The following EBF2 variants were observed in gnomAD, a reference collection of about 807,000 sequenced individuals.
EBF2 encodes the protein transcription factor COE2.
In EBF2, 21 loss-of-function variants were observed where a neutral mutation model predicts 72.8. That is an observed-to-expected ratio of 0.29 (90% CI 0.20 to 0.42). The LOEUF is 0.42. Ranked by LOEUF, EBF2 falls within the 10% of genes least tolerant of loss-of-function variation. The pLI is 1.00. For missense variants in EBF2, 637 were observed against 731.2 expected, an observed-to-expected ratio of 0.87 and a Z score of 1.49; for synonymous variants, 299 against 274.2, an observed-to-expected ratio of 1.09 and a Z score of -0.89.
intron 10 of EBF2, among the ~76,000 whole-genome samples, chr8:25,885,407 C>T (rs1802672870): frequency 6.6e-6 from 1 of 152,178 alleles, no homozygotes; most frequent in Admixed American, 6.5e-5. Context: ...CCCAATTTCT[C>T]CTCCCTTAAC....
intron 6 of EBF2, among the ~76,000 whole-genome samples, chr8:26,024,178 G>C (rs1177673412): frequency 6.6e-6 from 1 of 151,920 alleles, no homozygotes; most frequent in Non-Finnish European, 1.5e-5. Context: ...TTTCTTCCTA[G>C]AAGGCCATTC....
intron 6 of EBF2, among the ~76,000 whole-genome samples, chr8:25,916,513 A>G (rs1275857124): frequency 1.3e-5 from 2 of 152,074 alleles, no homozygotes; most frequent in South Asian, 2.1e-4. Context: ...CATTTTCCAG[A>G]CAAAATTATT....
rs750670854 is a variant in EBF2 at position 25,887,828 on chromosome 8, T to C, written c.882+14A>G. ...GCAAAAGGAAATCAGAGTAAGCCTG[T>C]TGCCTCTGCTTACCTCGCTCCATAC... On this transcript the variant is annotated intron_variant, in intron 9 of 15. Transcript: ENST00000520164. The C allele has an allele frequency of 2.5e-6, 4 of 1,582,716 alleles. No individual in the cohort carries two copies. In the East Asian group the frequency reaches 9.0e-5, roughly 36 times the overall value.
chr8:25,880,187 C>T (rs776088033), intron 10 of EBF2, among the ~76,000 whole-genome samples: 6 of 152,122 alleles, frequency 3.9e-5, no homozygotes, highest in African/African-American at 9.7e-5. Context: ...TAATAGGCCA[C>T]GTAGAGCAAA....
intron 6 of EBF2, among the ~76,000 whole-genome samples, chr8:25,999,350 T>A (rs1411184760): frequency 6.6e-6 from 1 of 152,156 alleles, no homozygotes; most frequent in Admixed American, 6.6e-5. Context: ...ATAAATATTA[T>A]TTTTAAAAAC....
rs144303444 is a variant in EBF2 at position 25,844,526 on chromosome 8, A to G, written c.*83T>C. 1.5e-4 allele frequency: 229 copies of G among 1,509,476 alleles called. 2 individuals are homozygous for G. In the African/African-American group the frequency reaches 2.8e-3, roughly 18 times the overall value. The allele number at this position is 1,509,476 out of a possible 1,614,324, so 93.5% of individuals were successfully genotyped here. ...CATGTTCATGTGGGGGCACCACTAC[A>G]CCCCCAAAAGAGCTCCTAGTGCTTT... is the stretch of plus-strand genomic sequence containing the variant. On this transcript the variant is annotated 3_prime_UTR_variant, in exon 16 of 16. Transcript: ENST00000520164.
rs960595202 is a variant in EBF2 at position 26,044,822 on chromosome 8, G to A, written c.38C>T (p.Thr13Ile). 1.2e-6 allele frequency: 2 copies of A among 1,614,050 alleles called. No homozygotes were observed. The highest frequency in any genetic ancestry group is 2.7e-5 in the African/African-American group (2 of 74,940). The change falls in exon 1 of 16, where the codon ACT (threonine) becomes ATT (isoleucine). Residue 13 changes from threonine (T) to isoleucine (I), a missense_variant. By Grantham distance (89) the Thr-to-Ile change is moderately conservative. This residue lies in a region of EBF2 where 174 missense variants were observed against 161.9 expected (regional missense o/e 1.07). Transcript: ENST00000520164. The surrounding 1 kb of genome is among the most constrained non-coding windows in gnomAD (Gnocchi z 4.1). ...GIQDTLGRGPTLKEKSLGAEM... is the reference protein window; with the variant it reads ...GIQDTLGRGPILKEKSLGAEM... ...CGCGCCCAGCGATTTCTCTTTCAGA[G>A]TTGGTCCTCTTCCTAAAGTATCTTG... is the stretch of plus-strand genomic sequence containing the variant.
In EBF2 at chr8:25,927,487, A is replaced by G. The variant is rs566556727; in HGVS notation, c.552-18932T>C. 1.1e-4 allele frequency among the ~76,000 whole-genome samples: 16 copies of G among 152,076 alleles called. 1 individual carries two copies. The highest frequency in any genetic ancestry group is 7.9e-4 in the Admixed American group (12 of 15,256). On this transcript the variant is annotated intron_variant, in intron 6 of 15. Coordinates refer to ENST00000520164, the MANE Select transcript of EBF2 (RefSeq NM_022659.4). ...GAGAACCCTGGCTGATTCAAGGACC[A>G]ACAGGAAATTTCCACTCTAGAGAGA... is the stretch of plus-strand genomic sequence containing the variant.
intron 13 of EBF2, 65 bp from the exon 14 acceptor site, chr8:25,858,569 G>GCA (rs1276533763): frequency 6.6e-7 from 1 of 1,511,602 alleles, no homozygotes; most frequent in Non-Finnish European, 8.9e-7. Flanking sequence ...CATGTGGCTA[G>GCA]CACAGGTCCT....
intron 6 of EBF2, among the ~76,000 whole-genome samples, chr8:25,934,807 C>G (rs1417852785): frequency 6.6e-6 from 1 of 152,156 alleles, no homozygotes; most frequent in African/African-American, 2.4e-5. Context: ...ATCAGGTCTG[C>G]TTTTTGAAAA....
At chr8:25,904,596 T>C (rs565446055) in intron 7 of EBF2, among the ~76,000 whole-genome samples, 7 of 152,202 alleles carry the variant, frequency 4.6e-5, no homozygotes, top group Non-Finnish European at 8.8e-5. Context: ...GAATTGTGTA[T>C]ATGGCTCTAA....
chr8:25,875,176 C>T (rs1223546318), intron 10 of EBF2, among the ~76,000 whole-genome samples: 1 of 152,160 alleles, frequency 6.6e-6, no homozygotes, highest in African/African-American at 2.4e-5. Context: ...CAAAGAAGCC[C>T]TGTGCTGGTC....
chr8:25,955,722 G>A (rs1182273872), intron 6 of EBF2, among the ~76,000 whole-genome samples: 1 of 152,146 alleles, frequency 6.6e-6, no homozygotes, highest in Non-Finnish European at 1.5e-5. Context: ...CACAAGCCAT[G>A]TTTAGGGGCA....
chr8:26,015,240 A>G (rs1173218186), intron 6 of EBF2, among the ~76,000 whole-genome samples: 1 of 152,210 alleles, frequency 6.6e-6, no homozygotes, highest in Admixed American at 6.5e-5. Context: ...CAGCAACAAT[A>G]TCAACATGAC....
intron 10 of EBF2, among the ~76,000 whole-genome samples, chr8:25,884,631 C>A: frequency 6.6e-6 from 1 of 152,250 alleles, no homozygotes; most frequent in East Asian, 1.9e-4. Context: ...CTTCTATACC[C>A]GTGAGCTTAG....
chr8:25,856,420 G>A (rs768720254), intron 14 of EBF2, among the ~76,000 whole-genome samples: 3 of 152,254 alleles, frequency 2.0e-5, no homozygotes, highest in Non-Finnish European at 4.4e-5. Flanking sequence ...GTGATGATGT[G>A]TTCTAGTCCC....
intron 6 of EBF2, among the ~76,000 whole-genome samples, chr8:25,940,417 C>T (rs1488973879): frequency 6.6e-6 from 1 of 151,996 alleles, no homozygotes; most frequent in Non-Finnish European, 1.5e-5. Context: ...CAGGGCAGAC[C>T]CCATGCAGGA....
chr8:25,911,054 T>A (rs1305579859), intron 6 of EBF2, among the ~76,000 whole-genome samples: 2 of 152,006 alleles, frequency 1.3e-5, no homozygotes, highest in African/African-American at 2.4e-5. Flanking sequence ...CTCCACCCTC[T>A]CCATCCACCA....
At chr8:25,860,957 G>T in intron 13 of EBF2, 92 bp downstream of exon 13, 2 of 1,392,166 alleles carry the variant, frequency 1.4e-6, no homozygotes, top group Non-Finnish European at 2.0e-6. Context: ...ACACTCTGTT[G>T]GACCATTATG....
Sources: gnomAD v4.1 joint callset for allele counts (sites outside exome capture counted in the v4.1 genomes callset) on GRCh38, gnomAD v4.1.1 for gene constraint, gnomAD v4.1.1 regional missense constraint, Gnocchi (gnomAD v3.1) non-coding constraint, MANE v1.5 for transcripts, NCBI Gene and HGNC (gene_info 2026-07-23, HGNC 2026-07-21) for gene names.